Variants in NRXN3 observed in about 807,000 individuals in gnomAD.
NRXN3 encodes neurexin III.
NRXN3 carries 32 observed loss-of-function variants against 137.6 expected under a neutral mutation model. The observed-to-expected ratio is 0.23, with a 90% CI of 0.18 to 0.31. The LOEUF (loss-of-function observed/expected upper bound fraction) is 0.31. Ranked by LOEUF, NRXN3 falls within the 10% of genes least tolerant of loss-of-function variation. NRXN3 has a pLI of 1.00. For synonymous variants in NRXN3, 798 were observed against 784.5 expected (o/e 1.02, Z -0.29); for missense variants, 1,574 against 2,062.5 (o/e 0.76, Z 4.59).
At chr14:79,090,845 G>A (rs924607046) in intron 15 of NRXN3, among the ~76,000 whole-genome samples, 1 of 152,102 alleles carries the variant, frequency 6.6e-6, no homozygotes, top group Non-Finnish European at 1.5e-5. Flanking sequence ...GTCCTGTCAT[G>A]GATGTTGACT....
At chr14:79,358,957 A>G (rs973006661) in intron 15 of NRXN3, among the ~76,000 whole-genome samples, 1 of 152,186 alleles carries the variant, frequency 6.6e-6, no homozygotes. Flanking sequence ...TTAATGGGAG[A>G]TGGGAGGAAG....
chr14:79,027,419 G>T (rs965349107), intron 15 of NRXN3, among the ~76,000 whole-genome samples: 5 of 152,078 alleles, frequency 3.3e-5, no homozygotes, highest in African/African-American at 1.2e-4. Flanking sequence ...AAGCAAAATA[G>T]AAAAGGGAAC....
At chr14:79,354,237 A>G (rs2093338734) in intron 15 of NRXN3, among the ~76,000 whole-genome samples, 2 of 152,320 alleles carry the variant, frequency 1.3e-5, no homozygotes, top group Admixed American at 6.5e-5. Context: ...TCAAAGGAAC[A>G]AACTATAAAA....
intron 15 of NRXN3, among the ~76,000 whole-genome samples, chr14:79,080,339 G>C (rs143322965): frequency 1.2e-3 from 188 of 152,302 alleles, no homozygotes; most frequent in African/African-American, 3.8e-3. Context: ...GAAGGATTTG[G>C]AAAATGGTGT....
At chr14:79,239,732 C>A (rs1044504025) in intron 15 of NRXN3, among the ~76,000 whole-genome samples, 1 of 152,012 alleles carries the variant, frequency 6.6e-6, no homozygotes, top group Non-Finnish European at 1.5e-5. Flanking sequence ...TTCACAATAG[C>A]CAAGATAAAG....
At chr14:79,571,987 G>T (rs909254443) in intron 16 of NRXN3, among the ~76,000 whole-genome samples, 15 of 152,088 alleles carry the variant, frequency 9.9e-5, no homozygotes, top group African/African-American at 3.4e-4. Flanking sequence ...TTTGTTTAAG[G>T]CCTGAAATTT....
intron 4 of NRXN3, among the ~76,000 whole-genome samples, chr14:78,611,431 T>C (rs1258244748): frequency 6.6e-6 from 1 of 152,066 alleles, no homozygotes; most frequent in Non-Finnish European, 1.5e-5. Context: ...TCCTCTTTTT[T>C]TTTTTTCCTT....
At position 78,378,375 on chromosome 14, in the gene NRXN3, C is replaced by G. The variant is rs117231681; in HGVS notation, c.757+80515C>G. ...TGGTGCACAGCTATAGTTCCAGCTACTCAGGAGGCTGAGGTGAGAGAATCG... is the reference window on the plus strand; with the variant it reads ...TGGTGCACAGCTATAGTTCCAGCTAGTCAGGAGGCTGAGGTGAGAGAATCG... On this transcript the variant is annotated intron_variant, in intron 4 of 20. Coordinates refer to ENST00000335750, the MANE Select transcript of NRXN3 (RefSeq NM_001330195.2). Among the ~76,000 whole-genome samples, 1,019 of 151,874 alleles carry G rather than the reference C, an allele frequency of 6.7e-3. 41 individuals are homozygous for G. The highest frequency in any genetic ancestry group is 0.047 in the Admixed American group (709 of 15,242).
rs185497508 is a variant in NRXN3 at position 79,515,513 on chromosome 14, G to A, written c.3444+48111G>A. On this transcript the variant is annotated intron_variant, in intron 16 of 20. Coordinates refer to ENST00000335750, the MANE Select transcript of NRXN3 (RefSeq NM_001330195.2). ...AGGAGGCAGGGCGACTAGAACTTTA[G>A]CAAAGGAAGATGGCACATCACAGTG... 7.8e-4 allele frequency among the ~76,000 whole-genome samples: 118 copies of A among 150,322 alleles called. 8 individuals are homozygous for A. The Middle Eastern group carries it at 0.017, about 22-fold the overall frequency.
intron 15 of NRXN3, among the ~76,000 whole-genome samples, chr14:79,358,617 G>GAAAGA (rs1566902570): frequency 1.5e-5 from 2 of 133,614 alleles, no homozygotes; most frequent in East Asian, 5.8e-4. Context: ...GAGAAAGAAA[G>GAAAGA]AAAGAAAGAA....
intron 4 of NRXN3, among the ~76,000 whole-genome samples, chr14:78,453,394 C>T (rs967665354): frequency 6.6e-6 from 1 of 152,120 alleles, no homozygotes; most frequent in Non-Finnish European, 1.5e-5. Context: ...TGATATATGC[C>T]GATTGACCAT....
chr14:79,691,645 T>C (rs1272529667), intron 17 of NRXN3, among the ~76,000 whole-genome samples: 1 of 152,076 alleles, frequency 6.6e-6, no homozygotes, highest in Non-Finnish European at 1.5e-5. Context: ...AAGGCTTAAA[T>C]TGTCCTCTCC....
intron 19 of NRXN3, among the ~76,000 whole-genome samples, chr14:79,770,465 G>A (rs2099073558): frequency 8.6e-6 from 1 of 116,824 alleles, no homozygotes; most frequent in Non-Finnish European, 1.8e-5. Flanking sequence ...TCAGGATTAA[G>A]AATCTCACTC....
At chr14:79,132,758 G>C (rs559702455) in intron 15 of NRXN3, among the ~76,000 whole-genome samples, 330 of 152,314 alleles carry the variant, frequency 2.2e-3, no homozygotes, top group African/African-American at 7.7e-3. Context: ...CTCTGAGATT[G>C]AGTTTAGCAT....
chr14:78,528,162 A>T (rs1272798976), intron 4 of NRXN3, among the ~76,000 whole-genome samples: 1 of 152,232 alleles, frequency 6.6e-6, no homozygotes, highest in Non-Finnish European at 1.5e-5. Flanking sequence ...GAAGTAAAAC[A>T]ACCCAAATTG....
rs1353792184 is a variant in NRXN3 at position 79,863,343 on chromosome 14, T to C, written c.*1379T>C. On this transcript the variant is annotated 3_prime_UTR_variant, in exon 21 of 21. Coordinates refer to ENST00000335750, the MANE Select transcript of NRXN3 (RefSeq NM_001330195.2). ...ATATAAATAAATATATATACAGATA[T>C]ATTTATCATGGTATGTTTGATGGGA... 6.6e-6 allele frequency: 1 copy of C among 151,012 alleles called. No individual in the cohort carries two copies. Among genetic ancestry groups the C allele is most frequent in the East Asian group, 1.9e-4 (1 of 5,174 alleles). The allele number at this position is 151,012 out of a possible 1,614,324, so 9.4% of individuals were successfully genotyped here.
At chr14:78,724,130 T>C (rs1449301447) in intron 8 of NRXN3, among the ~76,000 whole-genome samples, 1 of 152,220 alleles carries the variant, frequency 6.6e-6, no homozygotes, top group Non-Finnish European at 1.5e-5. Context: ...TTTTTTTTCC[T>C]TGGAGATAGA....
At chr14:78,227,704 G>A (rs2064862209) in intron 1 of NRXN3, among the ~76,000 whole-genome samples, 1 of 152,180 alleles carries the variant, frequency 6.6e-6, no homozygotes. Flanking sequence ...TTATAGGCTT[G>A]GAAGTTCCAT....
chr14:79,295,104 T>C (rs1260508713), intron 15 of NRXN3, among the ~76,000 whole-genome samples: 2 of 152,172 alleles, frequency 1.3e-5, no homozygotes, highest in Non-Finnish European at 2.9e-5. Flanking sequence ...CTTTATGATC[T>C]GGCCCCTGTG....
Sources: gnomAD v4.1 joint callset for allele counts (sites outside exome capture counted in the v4.1 genomes callset) on GRCh38, gnomAD v4.1.1 for gene constraint, MANE v1.5 for transcripts, NCBI Gene and HGNC (gene_info 2026-07-23, HGNC 2026-07-21) for gene names.